The following OPA1 variants were observed in gnomAD, a reference collection of about 807,000 sequenced individuals.
OPA1 encodes the protein OPA1 mitochondrial dynamin like GTPase.
A neutral mutation model predicts 152.9 loss-of-function variants in OPA1; 59 were observed. The ratio of observed to expected loss-of-function variants is 0.39; its 90% CI spans 0.31 to 0.48. The LOEUF is 0.48. Among genes scored for constraint, OPA1 ranks in the 20% least tolerant of loss-of-function variants. OPA1 has a pLI of 0.96. For synonymous variants in OPA1, 400 were observed against 389.9 expected, an observed-to-expected ratio of 1.03 and a Z score of -0.31; for missense variants, 1,008 against 1,216.8, an observed-to-expected ratio of 0.83 and a Z score of 2.55.
intron 29 of OPA1, among the ~76,000 whole-genome samples, chr3:193,686,491 C>T (rs1384417263): frequency 2.0e-5 from 3 of 152,190 alleles, no homozygotes; most frequent in Non-Finnish European, 4.4e-5. Flanking sequence ...ATTCCTTCAT[C>T]TATCTGTTTG....
chr3:193,690,731 G>T (rs529925957), intron 29 of OPA1, among the ~76,000 whole-genome samples: 1 of 152,006 alleles, frequency 6.6e-6, no homozygotes, highest in East Asian at 1.9e-4. Context: ...AAATATAAAA[G>T]ATATAAATGT....
chr3:193,634,622 AT>A (rs1732655679), intron 8 of OPA1, among the ~76,000 whole-genome samples: 1 of 152,050 alleles, frequency 6.6e-6, no homozygotes, highest in African/African-American at 2.4e-5. Flanking sequence ...GTTGGCCAGA[AT>A]GCTCTCGATC....
chr3:193,648,034 A>T, intron 19 of OPA1, 36 bp from the exon 20 acceptor site: 1 of 1,456,894 alleles, frequency 6.9e-7, no homozygotes, highest in Non-Finnish European at 9.6e-7. Context: ...GGAAAGAAGG[A>T]GGGTCATCAA....
At chr3:193,690,060 A>G (rs2109447339) in intron 29 of OPA1, among the ~76,000 whole-genome samples, 1 of 152,084 alleles carries the variant, frequency 6.6e-6, no homozygotes, top group Admixed American at 6.6e-5. Context: ...AACTAGATGA[A>G]TTAATTTTTA....
At chr3:193,609,907 C>A (rs1004467189) in intron 1 of OPA1, among the ~76,000 whole-genome samples, 2 of 152,150 alleles carry the variant, frequency 1.3e-5, no homozygotes, top group Admixed American at 1.3e-4. Context: ...TTAAGGACTT[C>A]TCTGCATTAG....
At chr3:193,645,337 G>A (rs921329913) in intron 16 of OPA1, among the ~76,000 whole-genome samples, 49 of 151,954 alleles carry the variant, frequency 3.2e-4, no homozygotes, top group Non-Finnish European at 3.8e-4. Context: ...ATCATTCCGG[G>A]TTTTCGATAC....
rs769460409 is a variant in OPA1 at position 193,648,825 on chromosome 3, A to G, written c.1966A>G (p.Ile656Val). The G allele has an allele frequency of 1.7e-5, 27 of 1,608,268 alleles. No homozygotes were observed. The highest frequency in any genetic ancestry group is 2.2e-5 in the Non-Finnish European group (26 of 1,175,226). Residue 656 changes from isoleucine (I) to valine (V), a missense_variant, in exon 21 of 31, where the codon ATC becomes GTC. This residue lies in a region of OPA1 where 229 missense variants were observed against 269.0 expected (regional missense o/e 0.85). Coordinates refer to ENST00000361510, the MANE Select transcript of OPA1 (RefSeq NM_130837.3). Reference protein sequence around the residue: ...NELFEKAKNEILDEVISLSQV... With the variant: ...NELFEKAKNEVLDEVISLSQV... ...ACTATTTGAAAAAGCTAAAAATGAA[A>G]TCCTTGATGAAGTTATCAGTCTGAG...
intron 1 of OPA1, among the ~76,000 whole-genome samples, chr3:193,601,638 A>G (rs1023461196): frequency 1.3e-5 from 2 of 152,238 alleles, no homozygotes; most frequent in Admixed American, 1.3e-4. Context: ...CCTACTGGAT[A>G]TACAAGCAAT....
At chr3:193,618,485 CAA>C (rs1195114885) in intron 5 of OPA1, 82 of 177,608 alleles carry the variant, frequency 4.6e-4, no homozygotes, top group South Asian at 1.2e-3. Context: ...CCCCCACCCC[CAA>C]AAAAAAAAAG....
intron 21 of OPA1, 28 bp downstream of exon 21, chr3:193,648,899 T>C (rs750553113): frequency 6.5e-6 from 9 of 1,377,786 alleles, no homozygotes; most frequent in Non-Finnish European, 9.3e-6. Flanking sequence ...ATCTCTTTTC[T>C]GAAAGACTTT....
chr3:193,615,173 A>C (rs1728826973), intron 2 of OPA1, 132 bp downstream of exon 2: 1 of 756,594 alleles, frequency 1.3e-6, no homozygotes, highest in African/African-American at 1.7e-5. Context: ...CATGGACTAG[A>C]TTGTTTTAAT....
At chr3:193,617,696 A>G in intron 4 of OPA1, 88 bp from the exon 5 acceptor site, 1 of 965,132 alleles carries the variant, frequency 1.0e-6, no homozygotes, top group South Asian at 1.3e-5. Flanking sequence ...CCCTATCGTA[A>G]TATGAAATCT....
In OPA1 at chr3:193,665,013, C is replaced by A; in HGVS notation, c.2778+17C>A. On this transcript the variant is annotated intron_variant, in intron 27 of 30. Transcript: ENST00000361510. ...GATTCTGAGGTAAGGTTTCCAAAAACAAAGAGAAGTATTTTTAAGCAACAG... is the reference window on the plus strand; with the variant it reads ...GATTCTGAGGTAAGGTTTCCAAAAAAAAAGAGAAGTATTTTTAAGCAACAG... 1 of 1,328,840 alleles carries A rather than the reference C, an allele frequency of 7.5e-7. No homozygotes were observed. Among genetic ancestry groups the A allele is most frequent in the Non-Finnish European group, 1.1e-6 (1 of 921,462 alleles). The allele number at this position is 1,328,840 out of a possible 1,614,324, so 82.3% of individuals were successfully genotyped here.
chr3:193,604,860 C>CAAAAAAAAAAAA (rs55904490), intron 1 of OPA1, among the ~76,000 whole-genome samples: 31 of 104,382 alleles, frequency 3.0e-4, no homozygotes, highest in African/African-American at 3.9e-4. Context: ...AACTCCATCT[C>CAAAAAAAAAAAA]AAAAAAAAAA....
chr3:193,643,192 C>G, intron 13 of OPA1, 143 bp downstream of exon 13: 1 of 904,916 alleles, frequency 1.1e-6, no homozygotes, highest in Non-Finnish European at 1.8e-6. Context: ...AATAATATAT[C>G]ATTTTGTGGG....
intron 21 of OPA1, among the ~76,000 whole-genome samples, chr3:193,650,624 T>A (rs566931198): frequency 6.6e-6 from 1 of 152,252 alleles, no homozygotes; most frequent in Non-Finnish European, 1.5e-5. Flanking sequence ...AAGCATTTTA[T>A]GTCATAACAT....
At chr3:193,647,758 T>C (rs1734914492) in intron 19 of OPA1, among the ~76,000 whole-genome samples, 1 of 152,178 alleles carries the variant, frequency 6.6e-6, no homozygotes, top group African/African-American at 2.4e-5. Flanking sequence ...TCACACAACA[T>C]GGGTAATAGG....
At chr3:193,663,087 C>T (rs774823812) in intron 26 of OPA1, 125 bp downstream of exon 26, 12 of 903,526 alleles carry the variant, frequency 1.3e-5, no homozygotes, top group Non-Finnish European at 2.1e-5. Flanking sequence ...TGTACATTTG[C>T]TGACAGTAAA....
intron 5 of OPA1, chr3:193,618,486 A>C (rs111901644): frequency 0.036 from 5,821 of 161,770 alleles, 205 homozygotes; most frequent in African/African-American, 0.098. Context: ...CCCCACCCCC[A>C]AAAAAAAAAA....
Sources: allele counts gnomAD v4.1 joint callset (sites outside exome capture counted in the v4.1 genomes callset), GRCh38; gene constraint gnomAD v4.1.1; regional missense constraint gnomAD v4.1.1; transcripts MANE v1.5; gene names NCBI Gene and HGNC (gene_info 2026-07-23, HGNC 2026-07-21).